The following DNLZ variants were observed in gnomAD, a reference collection of about 807,000 sequenced individuals.
DNLZ encodes the protein DNL-type zinc finger protein.
A neutral mutation model predicts 7.8 loss-of-function variants in DNLZ; 15 were observed. That is an observed-to-expected ratio of 1.91 (90% CI 1.28 to 2.95). The LOEUF is 2.95. DNLZ is among the 30% of genes most tolerant of loss of function. The pLI, the probability that DNLZ is intolerant of heterozygous loss-of-function variation, is 0.00. For missense variants in DNLZ, 255 were observed against 167.3 expected (o/e 1.52, Z -2.89); for synonymous variants, 123 against 77.8 (o/e 1.58, Z -3.05).
At chr9:136,363,343 T>A in intron 1 of DNLZ, 144 bp downstream of exon 1, 1 of 623,822 alleles carries the variant, frequency 1.6e-6, no homozygotes, top group Non-Finnish European at 2.9e-6. Context: ...CTCCGCTCCC[T>A]CCCAGAAGCC....
chr9:136,363,266 C>A (rs1396120909), intron 1 of DNLZ, 138 bp from the exon 2 acceptor site: 1 of 1,006,282 alleles, frequency 9.9e-7, no homozygotes, highest in East Asian at 2.6e-5. Flanking sequence ...CTCCACCCAC[C>A]CCCAACCTCG....
At chr9:136,362,838 A>T in intron 2 of DNLZ, 151 bp downstream of exon 2, 1 of 664,216 alleles carries the variant, frequency 1.5e-6, no homozygotes, top group Non-Finnish European at 2.6e-6. Flanking sequence ...CTTTATAGGA[A>T]ATTCTCATTT....
Position 136,363,472 on chromosome 9 carries a change from C to T in DNLZ, c.228+15G>A, listed in dbSNP as rs1453965327. On this transcript the variant is annotated intron_variant, in intron 1 of 2. Coordinates refer to ENST00000371738, the MANE Select transcript of DNLZ (RefSeq NM_001080849.3). ...ATACGGGTCTGTCCCCGGTTCCGTCCCGCCGCGCGCCTACCTTGCAGGTGT... is the reference window on the plus strand; with the variant it reads ...ATACGGGTCTGTCCCCGGTTCCGTCTCGCCGCGCGCCTACCTTGCAGGTGT... 2.6e-6 allele frequency: 2 copies of T among 762,090 alleles called. No homozygotes were observed. The highest frequency in any genetic ancestry group is 4.8e-6 in the Non-Finnish European group (2 of 416,828). The allele number at this position is 762,090 out of a possible 1,614,324, so 47.2% of individuals were successfully genotyped here. A position where few individuals can be genotyped will look rare whatever the true frequency, so the allele number is the denominator to read the frequency against.
In DNLZ at chr9:136,363,074, C is replaced by T. The variant is rs781401965; in HGVS notation, c.283G>A (p.Val95Met). ...CAGCCGGGGCAGGTCACAATGACCA[C>T]GCCTTGGTGATAGGCCAGCTTGGAG... is the stretch of plus-strand genomic sequence containing the variant. ...RISKLAYHQG[V>M]VIVTCPGCQN... The change falls in exon 2 of 3, where the codon GTG (valine) becomes ATG (methionine). Residue 95 changes from valine to methionine, a missense_variant. Coordinates refer to ENST00000371738, the MANE Select transcript of DNLZ (RefSeq NM_001080849.3). The T allele has an allele frequency of 3.7e-6, 6 of 1,613,674 alleles. No homozygotes were observed. Among genetic ancestry groups the T allele is most frequent in the Non-Finnish European group, 5.1e-6 (6 of 1,179,956 alleles).
rs1224984701 is a variant in DNLZ, at chr9:136,363,096, G to A, written c.261C>T (p.Ser87=). 1.2e-6 allele frequency: 2 copies of A among 1,613,602 alleles called. No homozygotes were observed. Among genetic ancestry groups the A allele is most frequent in the Non-Finnish European group, 1.7e-6 (2 of 1,179,984 alleles). The change falls in exon 2 of 3, where the codon TCC becomes TCT. Residue 87 remains serine, a synonymous_variant. Coordinates refer to ENST00000371738, the MANE Select transcript of DNLZ (RefSeq NM_001080849.3). ...CCACGCCTTGGTGATAGGCCAGCTT[G>A]GAGATGCGCTTGGAGGACCTAGTCC... The part of the protein sequence containing the change: ...VCGTRSSKRI[S]KLAYHQGVVI...
rs372973060 is a variant in DNLZ, at chr9:136,361,636, T to C, written c.*376A>G. The C allele has an allele frequency of 1.5e-4, 28 of 190,058 alleles. No individual in the cohort carries two copies. The highest frequency in any genetic ancestry group is 5.3e-4 in the African/African-American group (23 of 43,170). 11.8% of individuals were successfully genotyped at this position (190,058 alleles called of 1,614,324 possible). A position where few individuals can be genotyped will look rare whatever the true frequency, so the allele number is the denominator to read the frequency against. ...CTGGCCAGGGGGGCGGCAAGGGCCT[T>C]GCAGAGGAAGGCTGAGGCTCACAGG... On this transcript the variant is annotated 3_prime_UTR_variant, in exon 3 of 3. Transcript: ENST00000371738.
rs372842298 is a variant in DNLZ at position 136,362,160 on chromosome 9, G to A, written c.389C>T (p.Thr130Met). 1.8e-5 allele frequency: 27 copies of A among 1,495,666 alleles called. No individual in the cohort carries two copies. The Middle Eastern group carries it at 6.6e-4, about 37-fold the overall frequency. The allele number at this position is 1,495,666 out of a possible 1,614,324, so 92.6% of individuals were successfully genotyped here. A position where few individuals can be genotyped will look rare whatever the true frequency, so the allele number is the denominator to read the frequency against. The change falls in exon 3 of 3, where the codon ACG (threonine) becomes ATG (methionine). Residue 130 changes from threonine to methionine, a missense_variant. Transcript: ENST00000371738. Reference sequence around the variant, plus strand: ...ACGGTGCACCTGCTCGCCTCTGGCCGTCAGGATCTCTTCGATATTTCTGGG... The same window carrying A: ...ACGGTGCACCTGCTCGCCTCTGGCCATCAGGATCTCTTCGATATTTCTGGG... ...NGKRNIEEIL[T>M]ARGEQVHRVA...
chr9:136,362,038 TG>T lies in DNLZ; in HGVS notation c.510del (p.Ser171AlafsTer119), dbSNP rs1156815535. ...CAGCTCGGCTCCGTCTTGCCAGGGC[TG>T]GGGGGACCCTCATCCTCACCCGCTT... ...APEAGEDEGP[P>X]SPGKTEPS On this transcript the variant is annotated frameshift_variant, in exon 3 of 3. Coordinates refer to ENST00000371738, the MANE Select transcript of DNLZ (RefSeq NM_001080849.3). LOFTEE classifies it high-confidence loss of function. 12 of 1,371,546 alleles carry T rather than the reference TG, an allele frequency of 8.7e-6. No individual in the cohort carries two copies. The highest frequency in any genetic ancestry group is 5.5e-5 in the South Asian group (3 of 54,350). The allele number at this position is 1,371,546 out of a possible 1,614,324, so 85.0% of individuals were successfully genotyped here.
chr9:136,363,054 G>A lies in DNLZ; in HGVS notation c.303C>T (p.Pro101=), dbSNP rs139726020. Residue 101 remains proline, a synonymous_variant, in exon 2 of 3, where the codon CCC becomes CCT. Transcript: ENST00000371738. ...YHQGVVIVTC[P]GCQNHHIIAD... ...CGATGATATGGTGGTTCTGGCAGCC[G>A]GGGCAGGTCACAATGACCACGCCTT... The A allele has an allele frequency of 3.8e-5, 61 of 1,613,780 alleles. 1 individual carries two copies. Among genetic ancestry groups the A allele is most frequent in the South Asian group, 3.1e-4 (28 of 91,088 alleles).
In DNLZ at chr9:136,361,712, G is replaced by A. The variant is rs1049070521; in HGVS notation, c.*300C>T. ...AGCGACAGCCAGGAAGGGCTCTGACGCCACATCCAGCCCCCTTTCCACGCG... is the reference window on the plus strand; with the variant it reads ...AGCGACAGCCAGGAAGGGCTCTGACACCACATCCAGCCCCCTTTCCACGCG... On this transcript the variant is annotated 3_prime_UTR_variant, in exon 3 of 3. Coordinates refer to ENST00000371738, the MANE Select transcript of DNLZ (RefSeq NM_001080849.3). 2.6e-5 allele frequency: 8 copies of A among 313,590 alleles called. No homozygotes were observed. Among genetic ancestry groups the A allele is most frequent in the African/African-American group, 1.3e-4 (6 of 46,884 alleles). The allele number at this position is 313,590 out of a possible 1,614,324, so 19.4% of individuals were successfully genotyped here.
rs778742335 is a variant in DNLZ, at chr9:136,363,030, G to A, written c.327C>T (p.Ile109=). ...CCGAGAACCAGCCCAGGTTGTCAGC[G>A]ATGATATGGTGGTTCTGGCAGCCGG... ...TCPGCQNHHI[I]ADNLGWFSDL... is the part of the protein sequence containing the mutation. Residue 109 remains isoleucine (I), a synonymous_variant, in exon 2 of 3, where the codon ATC becomes ATT. Coordinates refer to ENST00000371738, the MANE Select transcript of DNLZ (RefSeq NM_001080849.3). The A allele has an allele frequency of 6.2e-7, 1 of 1,613,862 alleles. No homozygotes were observed. Among genetic ancestry groups the A allele is most frequent in the Non-Finnish European group, 8.5e-7 (1 of 1,179,994 alleles).
In DNLZ at chr9:136,361,475, A is replaced by C. The variant is rs980100903; in HGVS notation, c.*537T>G. The C allele has an allele frequency of 6.6e-6, 1 of 152,314 alleles. No individual in the cohort carries two copies. 9.4% of individuals were successfully genotyped at this position (152,314 alleles called of 1,614,324 possible). ...CCCCGGGAGGGGTCTGGAGCTCCTA[A>C]CACACGGCCACGCCATAGCTGCTCG... On this transcript the variant is annotated 3_prime_UTR_variant, in exon 3 of 3. Transcript: ENST00000371738.
chr9:136,362,803 T>C (rs1160226000), intron 2 of DNLZ, among the ~76,000 whole-genome samples, 186 bp downstream of exon 2: 1 of 152,246 alleles, frequency 6.6e-6, no homozygotes, highest in African/African-American at 2.4e-5. Flanking sequence ...ACTTGGGGCA[T>C]ACTTAAACTC....
chr9:136,362,801 C>T (rs1337503463), intron 2 of DNLZ, among the ~76,000 whole-genome samples, 188 bp downstream of exon 2: 2 of 152,244 alleles, frequency 1.3e-5, no homozygotes, highest in Non-Finnish European at 2.9e-5. Context: ...CTACTTGGGG[C>T]ATACTTAAAC....
In DNLZ at chr9:136,363,534, G is replaced by T. The variant is rs568634364; in HGVS notation, c.181C>A (p.Leu61Met). ...TAGTGCGCCGCCTCCACGCGCCCCA[G>T]AGCCGCCGCGGGCCCCGGCCCCTGC... ...SEQGPGPAAA[L>M]GRVEAAHYQL... is the part of the protein sequence containing the mutation. Residue 61 changes from leucine (L) to methionine (M), a missense_variant, in exon 1 of 3, where the codon CTG (leucine) becomes ATG (methionine). Transcript: ENST00000371738. 5 of 737,814 alleles carry T rather than the reference G, an allele frequency of 6.8e-6. No homozygotes were observed. The highest frequency in any genetic ancestry group is 1.2e-5 in the Non-Finnish European group (5 of 405,650). 45.7% of individuals were successfully genotyped at this position (737,814 alleles called of 1,614,324 possible).
chr9:136,363,330 C>T (rs1833019230), intron 1 of DNLZ, 157 bp downstream of exon 1: 8 of 682,066 alleles, frequency 1.2e-5, no homozygotes, highest in African/African-American at 1.7e-5. Context: ...CCTCATGGTC[C>T]GCCTCCGCTC....
rs541577234 is a variant in DNLZ at position 136,363,723 on chromosome 9, C to A, written c.-9G>T. Reference sequence around the variant, plus strand: ...AGCGCAGTCCGCAGCATCCCGCTCGCCGGCTCCGTCCGCCCTGCCCCGGCC... The same window carrying A: ...AGCGCAGTCCGCAGCATCCCGCTCGACGGCTCCGTCCGCCCTGCCCCGGCC... On this transcript the variant is annotated 5_prime_UTR_variant, in exon 1 of 3. Transcript: ENST00000371738. 66 of 476,108 alleles carry A rather than the reference C, an allele frequency of 1.4e-4. No individual in the cohort carries two copies. Among genetic ancestry groups the A allele is most frequent in the African/African-American group, 1.2e-3 (58 of 47,648 alleles). 29.5% of individuals were successfully genotyped at this position (476,108 alleles called of 1,614,324 possible).
rs1832978988 is a variant in DNLZ at position 136,361,474 on chromosome 9, A to G, written c.*538T>C. 6.6e-6 allele frequency: 1 copy of G among 152,308 alleles called. No individual in the cohort carries two copies. The highest frequency in any genetic ancestry group is 2.4e-5 in the African/African-American group (1 of 41,434). The allele number at this position is 152,308 out of a possible 1,614,324, so 9.4% of individuals were successfully genotyped here. Reference sequence around the variant, plus strand: ...CCCCCGGGAGGGGTCTGGAGCTCCTAACACACGGCCACGCCATAGCTGCTC... The same window carrying G: ...CCCCCGGGAGGGGTCTGGAGCTCCTGACACACGGCCACGCCATAGCTGCTC... On this transcript the variant is annotated 3_prime_UTR_variant, in exon 3 of 3. Coordinates refer to ENST00000371738, the MANE Select transcript of DNLZ (RefSeq NM_001080849.3).
chr9:136,363,481 G>T lies in DNLZ; in HGVS notation c.228+6C>A, dbSNP rs762675970. The T allele has an allele frequency of 2.6e-6, 2 of 761,450 alleles. No homozygotes were observed. The allele number at this position is 761,450 out of a possible 1,614,324, so 47.2% of individuals were successfully genotyped here. ...TGTCCCCGGTTCCGTCCCGCCGCGCGCCTACCTTGCAGGTGTAGACGAGCT... is the reference window on the plus strand; with the variant it reads ...TGTCCCCGGTTCCGTCCCGCCGCGCTCCTACCTTGCAGGTGTAGACGAGCT... On this transcript the variant is annotated splice_donor_region_variant and intron_variant, in intron 1 of 2. Transcript: ENST00000371738.
Sources: gnomAD v4.1 joint callset for allele counts (sites outside exome capture counted in the v4.1 genomes callset) on GRCh38, gnomAD v4.1.1 for gene constraint, MANE v1.5 for transcripts, NCBI Gene and HGNC (gene_info 2026-07-23, HGNC 2026-07-21) for gene names.